GCNA: variants seen among roughly 807,000 people sequenced by gnomAD.
GCNA encodes the protein germ cell nuclear acidic peptidase, also known as germ cell nuclear acidic protein.
GCNA carries 3 observed loss-of-function variants against 38.8 expected under a neutral mutation model. The ratio of observed to expected loss-of-function variants is 0.08; its 90% CI spans 0.04 to 0.20. The LOEUF (loss-of-function observed/expected upper bound fraction) is 0.20, where lower values mean the gene tolerates loss of function less well. Among genes scored for constraint, GCNA ranks in the 10% least tolerant of loss-of-function variants. The pLI, the probability that GCNA is intolerant of heterozygous loss-of-function variation, is 1.00. For synonymous variants in GCNA, 195 were observed against 240.2 expected (o/e 0.81, Z 1.74); for missense variants, 446 against 578.6 (o/e 0.77, Z 2.35).
chrX:71,588,297 TTATAA>T (rs1371128218), intron 2 of GCNA, among the ~76,000 whole-genome samples: 4 of 111,709 alleles, frequency 3.6e-5, no homozygotes, highest in African/African-American at 9.8e-5. Flanking sequence ...CCTAATCATG[TTATAA>T]TATATTTATT....
chrX:71,605,598 G>A, intron 8 of GCNA, 65 bp from the exon 9 acceptor site: 1 of 987,200 alleles, frequency 1.0e-6, no homozygotes, highest in South Asian at 2.1e-5. Flanking sequence ...TTACCTTTCT[G>A]TTGGTCTCGT....
chrX:71,602,472 C>T (rs1602179671), intron 7 of GCNA, among the ~76,000 whole-genome samples: 2 of 112,081 alleles, frequency 1.8e-5, no homozygotes, highest in South Asian at 7.5e-4. Context: ...CAGGTGTGAG[C>T]CACCGTGTCT....
At chrX:71,579,333 A>G (rs2040527764) in intron 1 of GCNA, among the ~76,000 whole-genome samples, 1 of 63,894 alleles carries the variant, frequency 1.6e-5, no homozygotes, top group Non-Finnish European at 2.9e-5. Context: ...ATAGGAGCAC[A>G]TAGTAGCGCT....
rs183955497 is a variant in GCNA, at chrX:71,602,930, T to G, written c.311-658T>G. On this transcript the variant is annotated intron_variant, in intron 7 of 12. Transcript: ENST00000373696. Reference sequence around the variant, plus strand: ...AGTTTGAGGTCTTAGATTTATGTCTTTAATCCATTTTGATTTGATTTTTGT... The same window carrying G: ...AGTTTGAGGTCTTAGATTTATGTCTGTAATCCATTTTGATTTGATTTTTGT... Among the ~76,000 whole-genome samples, 73 of 112,575 alleles carry G rather than the reference T, an allele frequency of 6.5e-4. No homozygotes were observed. The East Asian group carries it at 0.016, about 25-fold the overall frequency.
At position 71,592,540 on chromosome X, in the gene GCNA, T is replaced by C. The variant is rs1332072419; in HGVS notation, c.110T>C (p.Val37Ala). ...SSSDDTSGSS[V>A]ARRAPKRQAS... Reference sequence around the variant, plus strand: ...ATGCCCTCTTTCTCTGATTTAGCTGTGGCCAGAAGAGCTCCGAAGAGACAG... The same window carrying C: ...ATGCCCTCTTTCTCTGATTTAGCTGCGGCCAGAAGAGCTCCGAAGAGACAG... The change falls in exon 4 of 13, where the codon GTG becomes GCG. Residue 37 changes from valine (V) to alanine (A), a missense_variant. By Grantham distance (64) the Val-to-Ala change is moderately conservative. This residue lies in a region of GCNA where 25 missense variants were observed against 52.8 expected (regional missense o/e 0.47). Transcript: ENST00000373696. 9.6e-7 allele frequency: 1 copy of C among 1,044,429 alleles called. No individual in the cohort carries two copies. The highest frequency in any genetic ancestry group is 2.3e-5 in the South Asian group (1 of 43,734). 86.1% of individuals were successfully genotyped at this position (1,044,429 alleles called of 1,213,427 possible).
chrX:71,600,884 A>G (rs1228404451), intron 7 of GCNA, among the ~76,000 whole-genome samples: 1 of 111,924 alleles, frequency 8.9e-6, no homozygotes, highest in Non-Finnish European at 1.9e-5. Context: ...AGTGACTTAC[A>G]GTCATCCTGT....
At position 71,604,393 on chromosome X, in the gene GCNA, G is replaced by T; in HGVS notation, c.1116G>T (p.Glu372Asp). 8.3e-7 allele frequency: 1 copy of T among 1,211,503 alleles called. No homozygotes were observed. The change falls in exon 8 of 13, where the codon GAG becomes GAT. Residue 372 changes from glutamate to aspartate, a missense_variant. By Grantham distance (45) the Glu-to-Asp change is conservative. Around this residue, in one of 7 missense-constraint regions of GCNA, gnomAD observed 160 missense variants for 165.2 expected, o/e 0.97. Transcript: ENST00000373696. ...ATGATTCATCTGATGATGCTGGTGAGCAGGATCTTGGTGAGAATCTCAGCA... is the reference window on the plus strand; with the variant it reads ...ATGATTCATCTGATGATGCTGGTGATCAGGATCTTGGTGAGAATCTCAGCA... ...SQHDSSDDAG[E>D]QDLGENLSKP...
intron 7 of GCNA, among the ~76,000 whole-genome samples, chrX:71,600,724 TG>T (rs1005845076): frequency 1.8e-5 from 2 of 112,128 alleles, no homozygotes; most frequent in African/African-American, 6.5e-5. Flanking sequence ...TATATATTTA[TG>T]GGGTACATGA....
intron 9 of GCNA, 105 bp downstream of exon 9, chrX:71,605,834 C>A: frequency 1.5e-6 from 1 of 673,972 alleles, no homozygotes; most frequent in Non-Finnish European, 2.2e-6. Flanking sequence ...GGGATGGAGT[C>A]TGGCTGGGAT....
chrX:71,606,041 T>A (rs1192700525), intron 9 of GCNA, among the ~76,000 whole-genome samples: 1 of 112,862 alleles, frequency 8.9e-6, no homozygotes, highest in Non-Finnish European at 1.9e-5. Flanking sequence ...ATTGCCTATG[T>A]CCTTCAACTC....
chrX:71,608,153 G>T (rs749789643), intron 9 of GCNA, among the ~76,000 whole-genome samples: 18 of 112,164 alleles, frequency 1.6e-4, no homozygotes, highest in African/African-American at 4.9e-4. Context: ...GCATTAAAGG[G>T]TAGGACAAGA....
chrX:71,583,314 C>T (rs1167279648), intron 2 of GCNA, among the ~76,000 whole-genome samples: 1 of 110,409 alleles, frequency 9.1e-6, no homozygotes, highest in Non-Finnish European at 1.9e-5. Context: ...ATTATTTTGC[C>T]ATAGTCATTA....
At chrX:71,589,234 T>A (rs900637312) in intron 2 of GCNA, among the ~76,000 whole-genome samples, 3 of 108,829 alleles carry the variant, frequency 2.8e-5, no homozygotes, top group African/African-American at 1.0e-4. Context: ...AGTCCTTTCA[T>A]GATAGAATTC....
intron 7 of GCNA, among the ~76,000 whole-genome samples, chrX:71,600,633 TA>T (rs2040705855): frequency 8.9e-6 from 1 of 111,810 alleles, no homozygotes; most frequent in Non-Finnish European, 1.9e-5. Context: ...CTCAGTGAAA[TA>T]AAAAATAGGG....
At chrX:71,580,923 C>A in intron 2 of GCNA, 43 bp downstream of exon 2, 1 of 1,115,738 alleles carries the variant, frequency 9.0e-7, no homozygotes, top group East Asian at 3.2e-5. Context: ...TTAGTGTTAC[C>A]GTATTGGCAA....
Position 71,586,948 on chromosome X carries a change from T to A in GCNA, c.60-5174T>A, listed in dbSNP as rs2040589884. ...AAATACTTAATAAATATCCAAGGTG[T>A]CAAGTAGACAGTTTGAGTTCAGTGA... On this transcript the variant is annotated intron_variant, in intron 2 of 12. Transcript: ENST00000373696. 3.6e-5 allele frequency among the ~76,000 whole-genome samples: 4 copies of A among 111,758 alleles called. No homozygotes were observed. The South Asian group carries it at 1.5e-3, about 42-fold the overall frequency.
chrX:71,590,712 C>T (rs1221315759), intron 2 of GCNA, among the ~76,000 whole-genome samples: 1 of 108,887 alleles, frequency 9.2e-6, no homozygotes, highest in Non-Finnish European at 1.9e-5. Flanking sequence ...GATGGGGTCT[C>T]GCTCTGTGGC....
Position 71,603,922 on chromosome X carries a change from C to T in GCNA, c.645C>T (p.Pro215=), listed in dbSNP as rs770807966. 2.5e-6 allele frequency: 3 copies of T among 1,209,205 alleles called. No homozygotes were observed. Among genetic ancestry groups the T allele is most frequent in the African/African-American group, 3.5e-5 (2 of 57,033 alleles). The change falls in exon 8 of 13, where the codon CCC becomes CCT. Residue 215 remains proline (P), a synonymous_variant. Coordinates refer to ENST00000373696, the MANE Select transcript of GCNA (RefSeq NM_052957.5). ...ACAACAGTGATGATTCGGATGTTCC[C>T]GACGACAAGAGTGATGATTCGGATG... is the stretch of plus-strand genomic sequence containing the variant. ...SDDNSDDSDV[P]DDKSDDSDVP... is the part of the protein sequence containing the mutation.
At position 71,610,745 on chromosome X, in the gene GCNA, C is replaced by G. The variant is rs1395428686; in HGVS notation, c.1676C>G (p.Thr559Ser). ...GTGAAAACTGCTGGCTTATGCAGCA[C>G]TGGTGAGATGTGGTACCCAAAGTGG... ...KMVKTAGLCSTGEMWYPKWRR... is the reference protein window; with the variant it reads ...KMVKTAGLCSSGEMWYPKWRR... The change falls in exon 11 of 13, where the codon ACT (threonine) becomes AGT (serine). Residue 559 changes from threonine to serine, a missense_variant. Physicochemically the swap from Thr to Ser is moderately conservative, Grantham distance 58. Around this residue, in one of 7 missense-constraint regions of GCNA, gnomAD observed 60 missense variants for 111.0 expected, o/e 0.54. Transcript: ENST00000373696. 1.7e-6 allele frequency: 2 copies of G among 1,211,631 alleles called. No homozygotes were observed. Among genetic ancestry groups the G allele is most frequent in the African/African-American group, 1.7e-5 (1 of 57,742 alleles).
Sources: allele counts gnomAD v4.1 joint callset (sites outside exome capture counted in the v4.1 genomes callset), GRCh38; gene constraint gnomAD v4.1.1; regional missense constraint gnomAD v4.1.1; transcripts MANE v1.5; gene names NCBI Gene and HGNC (gene_info 2026-07-23, HGNC 2026-07-21).